Variants in SNX29 observed in about 807,000 individuals in gnomAD.
SNX29 encodes the protein sorting nexin 29, also known as sorting nexin-29.
Under a neutral mutation model 102.1 loss-of-function variants are expected in SNX29, and 78 were observed. That is an observed-to-expected ratio of 0.76 (90% CI 0.64 to 0.92). SNX29 has a LOEUF of 0.92. SNX29 is among the 40% of genes least tolerant of loss of function. SNX29 has a pLI of 0.00. For missense variants in SNX29, 1,280 were observed against 1,061.7 expected, an observed-to-expected ratio of 1.21 and a Z score of -2.86; for synonymous variants, 580 against 414.5, an observed-to-expected ratio of 1.40 and a Z score of -4.85.
intron 18 of SNX29, among the ~76,000 whole-genome samples, chr16:12,446,924 G>A (rs1340286605): frequency 1.3e-5 from 2 of 151,950 alleles, no homozygotes; most frequent in East Asian, 3.9e-4. Context: ...CAGAACTTTG[G>A]GAGGTCAAGG....
chr16:11,986,964 C>T (rs1567495851), intron 1 of SNX29, among the ~76,000 whole-genome samples: 1 of 152,156 alleles, frequency 6.6e-6, no homozygotes, highest in East Asian at 1.9e-4. Flanking sequence ...ATCTTCGTGC[C>T]CATTGATGCT....
At chr16:12,485,404 A>G (rs778527542) in intron 19 of SNX29, among the ~76,000 whole-genome samples, 23 of 152,360 alleles carry the variant, frequency 1.5e-4, no homozygotes, top group Non-Finnish European at 2.9e-4. Context: ...CCAAAAGTTC[A>G]TTTGGCATTA....
chr16:12,276,979 A>G (rs922907020), intron 14 of SNX29, among the ~76,000 whole-genome samples: 1 of 152,148 alleles, frequency 6.6e-6, no homozygotes, highest in African/African-American at 2.4e-5. Context: ...ATAAATACCA[A>G]TCCTTGGTTT....
At chr16:12,283,008 T>G (rs2079484394) in intron 15 of SNX29, among the ~76,000 whole-genome samples, 1 of 152,164 alleles carries the variant, frequency 6.6e-6, no homozygotes, top group African/African-American at 2.4e-5. Context: ...AAGGATTAGA[T>G]AGCTAATAAG....
chr16:12,570,180 G>T lies in SNX29; in HGVS notation c.*1551G>T. On this transcript the variant is annotated 3_prime_UTR_variant, in exon 21 of 21. Transcript: ENST00000566228. ...AGCGCCCCCCCACCCCAGAGAAACC[G>T]AGTCAGCCTACATGACTTCCAAGGG... 3 of 1,065,162 alleles carry T rather than the reference G, an allele frequency of 2.8e-6. No homozygotes were observed. The highest frequency in any genetic ancestry group is 4.5e-5 in the South Asian group (1 of 22,014). 66.0% of individuals were successfully genotyped at this position (1,065,162 alleles called of 1,614,324 possible). A position where few individuals can be genotyped will look rare whatever the true frequency, so the allele number is the denominator to read the frequency against.
At chr16:12,329,366 A>C (rs957209437) in intron 15 of SNX29, among the ~76,000 whole-genome samples, 1 of 151,096 alleles carries the variant, frequency 6.6e-6, no homozygotes, top group Non-Finnish European at 1.5e-5. Context: ...AAGACCTGGG[A>C]TGGATACTGG....
intron 13 of SNX29, among the ~76,000 whole-genome samples, chr16:12,168,190 AG>A (rs2076061381): frequency 6.6e-6 from 1 of 152,212 alleles, no homozygotes; most frequent in Admixed American, 6.5e-5. Flanking sequence ...AAACACAGGC[AG>A]CGAGTGCTTG....
At chr16:12,006,153 A>G (rs769922093) in intron 3 of SNX29, among the ~76,000 whole-genome samples, 6 of 151,532 alleles carry the variant, frequency 4.0e-5, no homozygotes, top group African/African-American at 9.7e-5. Context: ...GCGGTGAGCT[A>G]TGATCGTGCC....
intron 19 of SNX29, among the ~76,000 whole-genome samples, chr16:12,521,753 T>A (rs1231000752): frequency 6.6e-6 from 1 of 152,182 alleles, no homozygotes; most frequent in Non-Finnish European, 1.5e-5. Context: ...TCTCATTGTT[T>A]AATGGCGGGT....
intron 14 of SNX29, among the ~76,000 whole-genome samples, chr16:12,234,598 C>T (rs2077868311): frequency 1.3e-5 from 2 of 151,860 alleles, no homozygotes; most frequent in Non-Finnish European, 2.9e-5. Context: ...TTTCTTTTGT[C>T]ATGTACTTTT....
intron 11 of SNX29, among the ~76,000 whole-genome samples, chr16:12,115,706 C>G (rs1354263725): frequency 6.6e-6 from 1 of 152,236 alleles, no homozygotes; most frequent in African/African-American, 2.4e-5. Context: ...CTGGAGCCAT[C>G]TAATTAACAC....
intron 16 of SNX29, among the ~76,000 whole-genome samples, chr16:12,376,946 A>C (rs1038504349): frequency 6.6e-6 from 1 of 151,602 alleles, no homozygotes; most frequent in Non-Finnish European, 1.5e-5. Context: ...TGTGAATTTT[A>C]CTCTGTCTTG....
chr16:12,481,523 C>T (rs796168960), intron 19 of SNX29, among the ~76,000 whole-genome samples: 34 of 85,504 alleles, frequency 4.0e-4, no homozygotes, highest in African/African-American at 1.1e-3. Flanking sequence ...GACACACACA[C>T]ACACACACAC....
At chr16:12,527,199 T>C (rs1362235679) in intron 20 of SNX29, 3 of 531,950 alleles carry the variant, frequency 5.6e-6, no homozygotes, top group Non-Finnish European at 7.3e-6. Flanking sequence ...AATGTACGGA[T>C]TGTTTCATTT....
chr16:12,385,127 C>A (rs1043952470), intron 16 of SNX29, among the ~76,000 whole-genome samples: 1 of 152,266 alleles, frequency 6.6e-6, no homozygotes, highest in South Asian at 2.1e-4. Flanking sequence ...CCTGAGATCG[C>A]GCCACTGCAC....
intron 15 of SNX29, among the ~76,000 whole-genome samples, chr16:12,297,690 C>T (rs1033994854): frequency 2.0e-5 from 3 of 152,194 alleles, no homozygotes; most frequent in Non-Finnish European, 2.9e-5. Context: ...GATCATTTCT[C>T]TGTACATCTC....
chr16:12,349,913 A>AAT (rs2081947858), intron 15 of SNX29, among the ~76,000 whole-genome samples: 1 of 152,244 alleles, frequency 6.6e-6, no homozygotes, highest in Non-Finnish European at 1.5e-5. Flanking sequence ...AATTCATTGC[A>AAT]GAATGATATT....
At chr16:12,027,494 C>A in intron 4 of SNX29, 50 bp downstream of exon 4, 1 of 1,601,652 alleles carries the variant, frequency 6.2e-7, no homozygotes, top group South Asian at 1.1e-5. Context: ...TCCTTCTGCT[C>A]TTTTTCTTTT....
rs373947924 is a variant in SNX29, at chr16:12,477,757, T to C, written c.2076T>C (p.Tyr692=). The C allele has an allele frequency of 1.9e-6, 3 of 1,613,194 alleles. No individual in the cohort carries two copies. Among genetic ancestry groups the C allele is most frequent in the African/African-American group, 1.3e-5 (1 of 74,880 alleles). Residue 692 remains tyrosine, a synonymous_variant, in exon 19 of 21, where the codon TAT becomes TAC. Transcript: ENST00000566228. ...TAAAAGACGATGAATGGAATATTTA[T>C]CGCCGGTATACAGAGTTCAGGAGTT... ...IRIKDDEWNI[Y]RRYTEFRSLH...
Sources: gnomAD v4.1 joint callset for allele counts (sites outside exome capture counted in the v4.1 genomes callset) on GRCh38, gnomAD v4.1.1 for gene constraint, MANE v1.5 for transcripts, NCBI Gene and HGNC (gene_info 2026-07-23, HGNC 2026-07-21) for gene names.